The following CYP7B1 variants were observed in gnomAD, a reference collection of about 807,000 sequenced individuals.
CYP7B1 encodes the protein cytochrome P450 7B1.
CYP7B1 carries 29 observed loss-of-function variants against 42.7 expected under a neutral mutation model. That is an observed-to-expected ratio of 0.68 (90% CI 0.51 to 0.93). The LOEUF (loss-of-function observed/expected upper bound fraction) is 0.93. Ranked by LOEUF, CYP7B1 falls within the 40% of genes least tolerant of loss-of-function variation. The pLI is 0.00. For synonymous variants in CYP7B1, 235 were observed against 218.2 expected (o/e 1.08, Z -0.68); for missense variants, 655 against 600.5 (o/e 1.09, Z -0.95).
chr8:64,749,263 T>A (rs1188501193), intron 1 of CYP7B1, among the ~76,000 whole-genome samples: 1 of 152,002 alleles, frequency 6.6e-6, no homozygotes, highest in East Asian at 1.9e-4. Context: ...GTATTTTTAG[T>A]AGAGACGGGG....
chr8:64,749,055 GTTTTCTTTTTTA>G (rs1318889903), intron 1 of CYP7B1, among the ~76,000 whole-genome samples: 3 of 151,880 alleles, frequency 2.0e-5, no homozygotes, highest in African/African-American at 7.3e-5. Context: ...ATCACATTTG[GTTTTCTTTTTTA>G]TTTTCTTTTT....
At position 64,634,056 on chromosome 8, in the gene CYP7B1, T is replaced by C. The variant is rs1013998711; in HGVS notation, c.123-9517A>G. The stretch of plus-strand genomic sequence containing the variant: ...TAGTCATTAATCTCAGGTGGTGAGA[T>C]TACAAAGGTTTGATCTTTGATATCT... On this transcript the variant is annotated intron_variant, in intron 1 of 5. Coordinates refer to ENST00000310193, the MANE Select transcript of CYP7B1 (RefSeq NM_004820.5). Among the ~76,000 whole-genome samples, 15 of 152,342 alleles carry C rather than the reference T, an allele frequency of 9.8e-5. 1 individual carries two copies. Among genetic ancestry groups the C allele is most frequent in the Admixed American group, 9.1e-4 (14 of 15,304 alleles).
intron 1 of CYP7B1, among the ~76,000 whole-genome samples, chr8:64,794,092 C>T (rs2129731489): frequency 1.3e-5 from 2 of 152,260 alleles, no homozygotes; most frequent in Middle Eastern, 3.4e-3. Context: ...CAGGATTGCC[C>T]CTGAGGGCAG....
At chr8:64,771,047 C>CTT (rs757503820) in intron 1 of CYP7B1, among the ~76,000 whole-genome samples, 1,212 of 42,430 alleles carry the variant, frequency 0.029, 379 homozygotes, top group African/African-American at 0.043. Context: ...ATATCAGCAT[C>CTT]TTTTTTTTTT....
chr8:64,798,118 C>G (rs1462525089), intron 1 of CYP7B1, among the ~76,000 whole-genome samples: 2 of 152,210 alleles, frequency 1.3e-5, no homozygotes, highest in Admixed American at 6.5e-5. Context: ...GAATATTCCC[C>G]TCCTGAAATG....
chr8:64,774,247 A>G (rs1284826447), intron 1 of CYP7B1, among the ~76,000 whole-genome samples: 3 of 152,176 alleles, frequency 2.0e-5, no homozygotes, highest in Non-Finnish European at 4.4e-5. Context: ...ACGTACCTCT[A>G]TAGATTTAGG....
At chr8:64,680,510 G>A (rs1251002397) in intron 1 of CYP7B1, among the ~76,000 whole-genome samples, 2 of 151,842 alleles carry the variant, frequency 1.3e-5, no homozygotes, top group African/African-American at 4.8e-5. Flanking sequence ...GTGTCCTGTG[G>A]CACTGAGGCA....
downstream of CYP7B1, among the ~76,000 whole-genome samples, chr8:64,586,801 G>A (rs1322939765): frequency 6.6e-6 from 1 of 152,210 alleles, no homozygotes; most frequent in African/African-American, 2.4e-5. Context: ...TGTGGGCAAA[G>A]TAAATGAGCC....
intron 5 of CYP7B1, among the ~76,000 whole-genome samples, chr8:64,597,265 A>G (rs1427729295): frequency 6.6e-6 from 1 of 152,084 alleles, no homozygotes; most frequent in Non-Finnish European, 1.5e-5. Context: ...ACTTGATTAT[A>G]CCAATGTTAG....
intron 1 of CYP7B1, among the ~76,000 whole-genome samples, chr8:64,784,518 C>T (rs1424897381): frequency 6.6e-6 from 1 of 152,114 alleles, no homozygotes; most frequent in East Asian, 1.9e-4. Flanking sequence ...AGAAAAGTCT[C>T]AGTATAACTA....
chr8:64,768,658 TATGAG>T (rs1804153360), intron 1 of CYP7B1, among the ~76,000 whole-genome samples: 3 of 152,328 alleles, frequency 2.0e-5, no homozygotes, highest in East Asian at 1.9e-4. Context: ...CATGTCAAAC[TATGAG>T]ATAAGTCTTA....
At chr8:64,623,305 C>T (rs967426968) in intron 2 of CYP7B1, among the ~76,000 whole-genome samples, 4 of 152,148 alleles carry the variant, frequency 2.6e-5, no homozygotes, top group African/African-American at 9.7e-5. Flanking sequence ...GAGCCTAGGC[C>T]TCAAGAGACC....
At chr8:64,725,404 CCT>C (rs1459153633) in intron 1 of CYP7B1, among the ~76,000 whole-genome samples, 5 of 152,290 alleles carry the variant, frequency 3.3e-5, no homozygotes, top group East Asian at 3.9e-4. Context: ...CCACTTTCCC[CCT>C]GTGTCAAGTT....
chr8:64,767,246 T>C (rs956756373), intron 1 of CYP7B1, among the ~76,000 whole-genome samples: 3 of 152,042 alleles, frequency 2.0e-5, no homozygotes, highest in African/African-American at 7.3e-5. Context: ...CTGTCAAACA[T>C]CAGGAAGCCA....
At chr8:64,733,744 G>A (rs1329156962) in intron 1 of CYP7B1, among the ~76,000 whole-genome samples, 4 of 152,136 alleles carry the variant, frequency 2.6e-5, no homozygotes, top group Admixed American at 6.5e-5. Context: ...GCTGAGGCAG[G>A]GGGATCACTT....
intron 1 of CYP7B1, among the ~76,000 whole-genome samples, chr8:64,624,948 A>ATTTTTTT (rs1185048024): frequency 1.3e-5 from 1 of 76,802 alleles, no homozygotes; most frequent in African/African-American, 8.0e-5. Flanking sequence ...CCATTATATC[A>ATTTTTTT]TTCTTTTTTT....
At chr8:64,720,928 C>A (rs1807226192) in intron 1 of CYP7B1, among the ~76,000 whole-genome samples, 1 of 151,684 alleles carries the variant, frequency 6.6e-6, no homozygotes, top group African/African-American at 2.4e-5. Flanking sequence ...CTAACAAAGG[C>A]TTTTTTTCTT....
Position 64,771,047 on chromosome 8 carries a change from C to CTTTTTTTTTTTTTTTTTTTT in CYP7B1, c.122+27399_122+27418dup. Among the ~76,000 whole-genome samples the CTTTTTTTTTTTTTTTTTTTT allele has an allele frequency of 1.7e-3, 74 of 42,502 alleles. 25 individuals are homozygous for CTTTTTTTTTTTTTTTTTTTT. The highest frequency in any genetic ancestry group is 3.4e-3 in the Admixed American group (8 of 2,374). 27.9% of individuals were successfully genotyped at this position (42,502 alleles called of 152,430 possible). ...AATCTCAAGAGTGGGATATCAGCAT[C>CTTTTTTTTTTTTTTTTTTTT]TTTTTTTTTTTTTTTTTTTTTTTTT... On this transcript the variant is annotated intron_variant, in intron 1 of 5. Transcript: ENST00000310193.
intron 1 of CYP7B1, among the ~76,000 whole-genome samples, chr8:64,668,130 T>A (rs572505341): frequency 6.6e-6 from 1 of 152,318 alleles, no homozygotes; most frequent in South Asian, 2.1e-4. Flanking sequence ...GGGCTTTACC[T>A]TTGATGAATA....
Sources: gnomAD v4.1 joint callset for allele counts (sites outside exome capture counted in the v4.1 genomes callset) on GRCh38, gnomAD v4.1.1 for gene constraint, MANE v1.5 for transcripts, NCBI Gene and HGNC (gene_info 2026-07-23, HGNC 2026-07-21) for gene names.